RXRB: variants seen among roughly 807,000 people sequenced by gnomAD.
RXRB encodes retinoid X receptor beta.
A neutral mutation model predicts 52.5 loss-of-function variants in RXRB; 18 were observed. That is an observed-to-expected ratio of 0.34 (90% CI 0.24 to 0.51). The LOEUF (loss-of-function observed/expected upper bound fraction) is 0.51, where lower values mean the gene tolerates loss of function less well. Among genes scored for constraint, RXRB ranks in the 20% least tolerant of loss-of-function variants. The pLI is 0.97. For missense variants in RXRB, 455 were observed against 698.2 expected (o/e 0.65, Z 3.92); for synonymous variants, 233 against 267.1 (o/e 0.87, Z 1.25).
Position 33,196,031 on chromosome 6 carries a change from A to C in RXRB, c.999T>G (p.Asn333Lys), listed in dbSNP as rs1562411582. Residue 333 changes from asparagine to lysine, a missense_variant, in exon 6 of 10, where the codon AAT (asparagine) becomes AAG (lysine). Asn to Lys is a moderately conservative substitution (Grantham distance 94). Transcript: ENST00000374680. This position sits in a 1 kb window ranked among gnomAD's most constrained non-coding sequence, Gnocchi z 4.0. ...CCTGACAGATGTTAGTCACAGGGTC[A>C]TTTGGCTGCAGGGGACGGGGGTAAG... The part of the protein sequence containing the change: ...GGTGGSGSSP[N>K]DPVTNICQAA... 6.2e-7 allele frequency: 1 copy of C among 1,613,052 alleles called. No individual in the cohort carries two copies. The highest frequency in any genetic ancestry group is 8.5e-7 in the Non-Finnish European group (1 of 1,180,032).
chr6:33,196,273 C>A lies in RXRB; in HGVS notation c.993+161G>T, dbSNP rs761773967. Reference sequence around the variant, plus strand: ...GTGGAGACAGAAGGAGCTATCACATCCACCTCAGATGTTTGAAAGACCTTG... The same window carrying A: ...GTGGAGACAGAAGGAGCTATCACATACACCTCAGATGTTTGAAAGACCTTG... On this transcript the variant is annotated intron_variant, in intron 5 of 9. Transcript: ENST00000374680. The surrounding 1 kb of genome is among the most constrained non-coding windows in gnomAD (Gnocchi z 4.0). 1 of 936,330 alleles carries A rather than the reference C, an allele frequency of 1.1e-6. No individual in the cohort carries two copies. The highest frequency in any genetic ancestry group is 1.6e-5 in the African/African-American group (1 of 62,268). The allele number at this position is 936,330 out of a possible 1,614,324, so 58.0% of individuals were successfully genotyped here.
rs777340208 is a variant in RXRB, at chr6:33,197,841, G to A, written c.741C>T (p.Cys247=). The A allele has an allele frequency of 3.7e-6, 6 of 1,613,826 alleles. No homozygotes were observed. In the African/African-American group the frequency reaches 8.0e-5, roughly 22 times the overall value. Reference sequence around the variant, plus strand: ...GGTTCCGCTGGCGCTTGTCCACTGTGCAGTCTTTGTTGTCCCGGCAAGAGT... The same window carrying A: ...GGTTCCGCTGGCGCTTGTCCACTGTACAGTCTTTGTTGTCCCGGCAAGAGT... ...LTYSCRDNKD[C]TVDKRQRNRC... The change falls in exon 4 of 10, where the codon TGC becomes TGT. Residue 247 remains cysteine (C), a synonymous_variant. Coordinates refer to ENST00000374680, the MANE Select transcript of RXRB (RefSeq NM_021976.5). This position sits in a 1 kb window ranked among gnomAD's most constrained non-coding sequence, Gnocchi z 4.4.
rs1247782909 is a variant in RXRB, at chr6:33,197,121, C to G, written c.821-515G>C. On this transcript the variant is annotated intron_variant, in intron 4 of 9. Transcript: ENST00000374680. The surrounding 1 kb of genome is among the most constrained non-coding windows in gnomAD (Gnocchi z 4.4). ...GAGTGCAAATCTTGTGCTCTTCTGA[C>G]TCAACAAATAGGCAGTGAAAGGAGC... is the stretch of plus-strand genomic sequence containing the variant. Among the ~76,000 whole-genome samples the G allele has an allele frequency of 6.6e-6, 1 of 152,174 alleles. No individual in the cohort carries two copies. The highest frequency in any genetic ancestry group is 1.5e-5 in the Non-Finnish European group (1 of 68,036).
At position 33,196,340 on chromosome 6, in the gene RXRB, T is replaced by TGAGGGGAAAG; in HGVS notation, c.993+84_993+93dup. The TGAGGGGAAAG allele has an allele frequency of 7.7e-7, 1 of 1,306,860 alleles. No individual in the cohort carries two copies. Among genetic ancestry groups the TGAGGGGAAAG allele is most frequent in the Non-Finnish European group, 1.1e-6 (1 of 902,818 alleles). The allele number at this position is 1,306,860 out of a possible 1,614,324, so 81.0% of individuals were successfully genotyped here. Reference sequence around the variant, plus strand: ...GTCCCAAGTAGTGTTAGGAAGGTTATGAGGGGAAAGGAGGGGGAGGGGATG... The same window carrying TGAGGGGAAAG: ...GTCCCAAGTAGTGTTAGGAAGGTTATGAGGGGAAAGGAGGGGAAAGGAGGGGGAGGGGATG... On this transcript the variant is annotated intron_variant, in intron 5 of 9. Transcript: ENST00000374680. The surrounding 1 kb of genome is among the most constrained non-coding windows in gnomAD (Gnocchi z 4.0).
chr6:33,198,474 G>A lies in RXRB; in HGVS notation c.484-10C>T, dbSNP rs1405667468. The A allele has an allele frequency of 1.9e-6, 3 of 1,611,948 alleles. No individual in the cohort carries two copies. The highest frequency in any genetic ancestry group is 2.5e-6 in the Non-Finnish European group (3 of 1,179,146). ...ACACTGTTGAGTTAATCTGGGATGGGGGAAATAGGGAAGTCACAGGAAGAC... is the reference window on the plus strand; with the variant it reads ...ACACTGTTGAGTTAATCTGGGATGGAGGAAATAGGGAAGTCACAGGAAGAC... On this transcript the variant is annotated splice_polypyrimidine_tract_variant and intron_variant, in intron 2 of 9. Coordinates refer to ENST00000374680, the MANE Select transcript of RXRB (RefSeq NM_021976.5).
At position 33,193,762 on chromosome 6, in the gene RXRB, T is replaced by C. The variant is rs967882451; in HGVS notation, c.*920A>G. On this transcript the variant is annotated 3_prime_UTR_variant, in exon 10 of 10. Coordinates refer to ENST00000374680, the MANE Select transcript of RXRB (RefSeq NM_021976.5). ...TCCTGTGTCCCCAGCCTATGCTATG[T>C]GCCCAGGGCTGGAGGAGAGCTGTAA... is the stretch of plus-strand genomic sequence containing the variant. The C allele has an allele frequency of 6.6e-6, 1 of 152,172 alleles. No individual in the cohort carries two copies. Among genetic ancestry groups the C allele is most frequent in the African/African-American group, 2.4e-5 (1 of 41,420 alleles). 9.4% of individuals were successfully genotyped at this position (152,172 alleles called of 1,614,324 possible).
Position 33,199,242 on chromosome 6 carries a change from C to A in RXRB, c.410G>T (p.Ser137Ile). 1 of 1,118,422 alleles carries A rather than the reference C, an allele frequency of 8.9e-7. No homozygotes were observed. Among genetic ancestry groups the A allele is most frequent in the Non-Finnish European group, 1.1e-6 (1 of 896,704 alleles). The allele number at this position is 1,118,422 out of a possible 1,614,324, so 69.3% of individuals were successfully genotyped here. A position where few individuals can be genotyped will look rare whatever the true frequency, so the allele number is the denominator to read the frequency against. The change falls in exon 2 of 10, where the codon AGT becomes ATT. Residue 137 changes from serine to isoleucine, a missense_variant. Physicochemically the swap from Ser to Ile is moderately radical, Grantham distance 142 (BLOSUM62 -2). Transcript: ENST00000374680. ...PPLGSPFPVI[S>I]SSMGSPGLPP... ...CAGACCAGGGGACCCCATGGAAGAA[C>A]TGATGACTGGAAAGGGAGAGCCCAG... is the stretch of plus-strand genomic sequence containing the variant.
rs930775545 is a variant in RXRB, at chr6:33,198,336, T to C, written c.612A>G (p.Leu204=). ...AGCTTCTGTCCCCGCAGATTGCACA[T>C]AGCCGTTTGCCAGCCCCAGGGCCAC... ...PPGGPGAGKR[L]CAICGDRSSG... Residue 204 remains leucine, a synonymous_variant, in exon 3 of 10, where the codon CTA becomes CTG. Transcript: ENST00000374680. The C allele has an allele frequency of 3.7e-6, 6 of 1,612,968 alleles. No individual in the cohort carries two copies. The highest frequency in any genetic ancestry group is 1.1e-5 in the South Asian group (1 of 91,092).
At chr6:33,199,742 T>G in intron 1 of RXRB, 2 of 399,688 alleles carry the variant, frequency 5.0e-6, no homozygotes, top group South Asian at 4.9e-5. Flanking sequence ...GAGGAGGGAG[T>G]TGACAAGGAG....
chr6:33,195,634 C>T lies in RXRB; in HGVS notation c.1192G>A (p.Ala398Thr). Residue 398 changes from alanine to threonine, a missense_variant, in exon 7 of 10, where the codon GCC (alanine) becomes ACC (threonine). By Grantham distance (58) the Ala-to-Thr change is moderately conservative. This residue lies in a region of RXRB where 115 missense variants were observed against 253.1 expected (regional missense o/e 0.45). Transcript: ENST00000374680. The surrounding 1 kb of genome is among the most constrained non-coding windows in gnomAD (Gnocchi z 8.6). ...SIDVRDGILL[A>T]TGLHVHRNSA... is the part of the protein sequence containing the mutation. Reference sequence around the variant, plus strand: ...TTGCGGTGCACGTGAAGACCTGTGGCAAGGAGGATGCCATCTCGAACATCA... The same window carrying T: ...TTGCGGTGCACGTGAAGACCTGTGGTAAGGAGGATGCCATCTCGAACATCA... The T allele has an allele frequency of 6.2e-7, 1 of 1,613,044 alleles. No individual in the cohort carries two copies. The highest frequency in any genetic ancestry group is 8.5e-7 in the Non-Finnish European group (1 of 1,180,036).
rs1773975571 is a variant in RXRB at position 33,197,205 on chromosome 6, G to T, written c.820+557C>A. On this transcript the variant is annotated intron_variant, in intron 4 of 9. Coordinates refer to ENST00000374680, the MANE Select transcript of RXRB (RefSeq NM_021976.5). The surrounding 1 kb of genome is among the most constrained non-coding windows in gnomAD (Gnocchi z 4.4). ...TCCCAAACCTGCCTGCCACTCCTTTGTTGCATGACCTTGGGAAAGCCAAGC... is the reference window on the plus strand; with the variant it reads ...TCCCAAACCTGCCTGCCACTCCTTTTTTGCATGACCTTGGGAAAGCCAAGC... Among the ~76,000 whole-genome samples, 1 of 152,202 alleles carries T rather than the reference G, an allele frequency of 6.6e-6. No homozygotes were observed.
In RXRB at chr6:33,195,922, T is replaced by C; in HGVS notation, c.1108A>G (p.Ile370Val). Residue 370 changes from isoleucine to valine, a missense_variant, in exon 6 of 10, where the codon ATA becomes GTA. Transcript: ENST00000374680. The surrounding 1 kb of genome is among the most constrained non-coding windows in gnomAD (Gnocchi z 8.6). Reference sequence around the variant, plus strand: ...GGTCACTGACCTGCCCGCAGCAATATGACCTGATCATCCAGAGGCAAGGAG... The same window carrying C: ...GGTCACTGACCTGCCCGCAGCAATACGACCTGATCATCCAGAGGCAAGGAG... ...FSSLPLDDQVILLRAGWNELL... is the reference protein window; with the variant it reads ...FSSLPLDDQVVLLRAGWNELL... 6.2e-7 allele frequency: 1 copy of C among 1,612,854 alleles called. No homozygotes were observed. Among genetic ancestry groups the C allele is most frequent in the Non-Finnish European group, 8.5e-7 (1 of 1,180,036 alleles).
Position 33,193,883 on chromosome 6 carries a change from T to TGG in RXRB, c.*798_*799insCC, listed in dbSNP as rs576307070. 3,334 of 151,916 alleles carry TGG rather than the reference T, an allele frequency of 0.022. 50 individuals are homozygous for TGG. Among genetic ancestry groups the TGG allele is most frequent in the Non-Finnish European group, 0.037 (2,521 of 68,120 alleles). 9.4% of individuals were successfully genotyped at this position (151,916 alleles called of 1,614,324 possible). A position where few individuals can be genotyped will look rare whatever the true frequency, so the allele number is the denominator to read the frequency against. ...CTTCCCCAAGTTAGACAGGAAGAGATAGGGGGGGCGGCGGGAAGCTGGGAA... is the reference window on the plus strand; with the variant it reads ...CTTCCCCAAGTTAGACAGGAAGAGATGGAGGGGGGGCGGCGGGAAGCTGGGAA... On this transcript the variant is annotated 3_prime_UTR_variant, in exon 10 of 10. Transcript: ENST00000374680.
chr6:33,196,746 G>T lies in RXRB; in HGVS notation c.821-140C>A. Reference sequence around the variant, plus strand: ...GGAATTGGGGAAGTCACTAGAAAGGGTGGACTGGGGGCAGCCCTGAAGGAA... The same window carrying T: ...GGAATTGGGGAAGTCACTAGAAAGGTTGGACTGGGGGCAGCCCTGAAGGAA... On this transcript the variant is annotated intron_variant, in intron 4 of 9. Coordinates refer to ENST00000374680, the MANE Select transcript of RXRB (RefSeq NM_021976.5). The surrounding 1 kb of genome is among the most constrained non-coding windows in gnomAD (Gnocchi z 4.0). 1.3e-6 allele frequency: 1 copy of T among 754,336 alleles called. No homozygotes were observed. The highest frequency in any genetic ancestry group is 1.9e-5 in the South Asian group (1 of 51,382). The allele number at this position is 754,336 out of a possible 1,614,324, so 46.7% of individuals were successfully genotyped here. A position where few individuals can be genotyped will look rare whatever the true frequency, so the allele number is the denominator to read the frequency against.
Position 33,199,314 on chromosome 6 carries a change from A to T in RXRB, c.338T>A (p.Leu113His). The T allele has an allele frequency of 2.1e-6, 2 of 961,738 alleles. No individual in the cohort carries two copies. Among genetic ancestry groups the T allele is most frequent in the Non-Finnish European group, 2.5e-6 (2 of 797,014 alleles). The allele number at this position is 961,738 out of a possible 1,614,324, so 59.6% of individuals were successfully genotyped here. Residue 113 changes from leucine (L) to histidine (H), a missense_variant, in exon 2 of 10, where the codon CTT becomes CAT. Leu to His is a moderately conservative substitution (Grantham distance 99). Transcript: ENST00000374680. Reference sequence around the variant, plus strand: ...TGGGGGTGGGGCCCCAGAGCCTCCAAGGGATGGAGCTGTTGAAGGGGGTAG... The same window carrying T: ...TGGGGGTGGGGCCCCAGAGCCTCCATGGGATGGAGCTGTTGAAGGGGGTAG... ...PPLPPSTAPS[L>H]GGSGAPPPPP...
chr6:33,198,203 C>T, intron 3 of RXRB, 105 bp downstream of exon 3: 1 of 1,517,564 alleles, frequency 6.6e-7, no homozygotes, highest in Non-Finnish European at 9.1e-7. Flanking sequence ...ATCAGGCCTC[C>T]CCCAGGTCAC....
At chr6:33,198,766 T>C (rs1774122109) in intron 2 of RXRB, 1 of 505,182 alleles carries the variant, frequency 2.0e-6, no homozygotes, top group Non-Finnish European at 3.6e-6. Flanking sequence ...ATATCAGAAT[T>C]AGCCGGGCGT....
Position 33,195,334 on chromosome 6 carries a change from T to C in RXRB, c.1348+29A>G. The C allele has an allele frequency of 6.8e-7, 1 of 1,479,738 alleles. No homozygotes were observed. Among genetic ancestry groups the C allele is most frequent in the South Asian group, 1.1e-5 (1 of 88,430 alleles). 91.7% of individuals were successfully genotyped at this position (1,479,738 alleles called of 1,614,324 possible). On this transcript the variant is annotated intron_variant, in intron 8 of 9. Transcript: ENST00000374680. The surrounding 1 kb of genome is among the most constrained non-coding windows in gnomAD (Gnocchi z 8.6). Reference sequence around the variant, plus strand: ...AGGAGGCTCCAAGGTTGCCTTGGCCTTGAGAGACAAAGGTAATCCTCCTCT... The same window carrying C: ...AGGAGGCTCCAAGGTTGCCTTGGCCCTGAGAGACAAAGGTAATCCTCCTCT...
Position 33,196,472 on chromosome 6 carries a change from C to T in RXRB, c.955G>A (p.Val319Ile), listed in dbSNP as rs201059237. ...LAVEQKSDQG[V>I]EGPGGTGGSG... ...CCCCCGGTTCCCCCAGGACCCTCAA[C>T]GCCCTGGTCACTCTTCTGTTCCACA... Residue 319 changes from valine (V) to isoleucine (I), a missense_variant, in exon 5 of 10, where the codon GTT becomes ATT. Coordinates refer to ENST00000374680, the MANE Select transcript of RXRB (RefSeq NM_021976.5). This position sits in a 1 kb window ranked among gnomAD's most constrained non-coding sequence, Gnocchi z 4.0. 236 of 1,613,080 alleles carry T rather than the reference C, an allele frequency of 1.5e-4. No individual in the cohort carries two copies. In the Middle Eastern group the frequency reaches 3.0e-3, roughly 20 times the overall value.
Sources: allele counts gnomAD v4.1 joint callset (sites outside exome capture counted in the v4.1 genomes callset), GRCh38; gene constraint gnomAD v4.1.1; regional missense constraint gnomAD v4.1.1; non-coding constraint Gnocchi (gnomAD v3.1); transcripts MANE v1.5; gene names NCBI Gene and HGNC (gene_info 2026-07-23, HGNC 2026-07-21).